DTL: variants seen among roughly 807,000 people sequenced by gnomAD.
DTL encodes denticleless E3 ubiquitin protein ligase adapter.
DTL carries 46 observed loss-of-function variants against 87.0 expected under a neutral mutation model. The observed-to-expected ratio is 0.53, with a 90% confidence interval of 0.42 to 0.68. The LOEUF is 0.68. Ranked by LOEUF, DTL falls within the 30% of genes least tolerant of loss-of-function variation. The pLI is 0.00. For missense variants in DTL, 737 were observed against 869.4 expected (o/e 0.85, Z 1.91); for synonymous variants, 308 against 311.2 (o/e 0.99, Z 0.11).
intron 13 of DTL, among the ~76,000 whole-genome samples, chr1:212,090,613 C>A (rs903118438): frequency 6.6e-6 from 1 of 152,120 alleles, no homozygotes; most frequent in Non-Finnish European, 1.5e-5. Context: ...TAAAAATTTG[C>A]CTGAAGTACT....
chr1:212,067,495 A>G (rs1345189664), intron 8 of DTL, among the ~76,000 whole-genome samples: 1 of 152,098 alleles, frequency 6.6e-6, no homozygotes, highest in Non-Finnish European at 1.5e-5. Flanking sequence ...CCTTCCTATT[A>G]TATCTCTCAA....
chr1:212,093,575 G>A (rs138466093), intron 13 of DTL, among the ~76,000 whole-genome samples: 1,706 of 152,252 alleles, frequency 0.011, 24 homozygotes, highest in South Asian at 0.058. Flanking sequence ...CGACTGCCCC[G>A]ACCAAACTGC....
chr1:212,085,126 GT>G (rs1655091195), intron 13 of DTL, among the ~76,000 whole-genome samples: 1 of 152,058 alleles, frequency 6.6e-6, no homozygotes, highest in Non-Finnish European at 1.5e-5. Flanking sequence ...TCGTGTTTTT[GT>G]TTTAATATTT....
intron 10 of DTL, 175 bp from the exon 11 acceptor site, chr1:212,071,926 A>G (rs1654685328): frequency 2.0e-6 from 1 of 507,668 alleles, no homozygotes; most frequent in African/African-American, 1.9e-5. Flanking sequence ...GCTTCCTTCT[A>G]GGGTTTTGTT....
chr1:212,104,246 A>ACTTTATGTCAGTT lies in DTL; in HGVS notation c.*1308_*1309insTTATGTCAGTTCT. The ACTTTATGTCAGTT allele has an allele frequency of 6.6e-6, 1 of 151,506 alleles. No homozygotes were observed. Among genetic ancestry groups the ACTTTATGTCAGTT allele is most frequent in the South Asian group, 2.1e-4 (1 of 4,804 alleles). 9.4% of individuals were successfully genotyped at this position (151,506 alleles called of 1,614,324 possible). A position where few individuals can be genotyped will look rare whatever the true frequency, so the allele number is the denominator to read the frequency against. On this transcript the variant is annotated 3_prime_UTR_variant, in exon 15 of 15. Coordinates refer to ENST00000366991, the MANE Select transcript of DTL (RefSeq NM_016448.4). ...ATTTGTTTTATCCATATCCCTGAGGACTGTGTAGACTTTATGTCAGTTTTT... is the reference window on the plus strand; with the variant it reads ...ATTTGTTTTATCCATATCCCTGAGGACTTTATGTCAGTTCTGTGTAGACTTTATGTCAGTTTTT...
chr1:212,074,526 G>C (rs998269334), intron 11 of DTL, among the ~76,000 whole-genome samples: 1 of 152,104 alleles, frequency 6.6e-6, no homozygotes, highest in Non-Finnish European at 1.5e-5. Context: ...TGGTTCAGAC[G>C]TGATGTTCTT....
chr1:212,051,384 TGAAAATGTCCTTATTTCATCATCATTCTC>T (rs1667967686), intron 5 of DTL: 1 of 542,154 alleles, frequency 1.8e-6, no homozygotes, highest in African/African-American at 2.0e-5. Flanking sequence ...TTTCTTTACC[TGAAAATGTCCTTATTTCATCATCATTCTC>T]GAAGGACATT....
intron 1 of DTL, among the ~76,000 whole-genome samples, chr1:212,036,319 T>G (rs1179875250): frequency 1.3e-5 from 2 of 152,176 alleles, no homozygotes; most frequent in Non-Finnish European, 2.9e-5. Context: ...ATTCGTTTGT[T>G]GTAGAATCTT....
At chr1:212,046,993 G>A (rs1256331698) in intron 3 of DTL, among the ~76,000 whole-genome samples, 158 bp from the exon 4 acceptor site, 1 of 152,168 alleles carries the variant, frequency 6.6e-6, no homozygotes, top group Non-Finnish European at 1.5e-5. Flanking sequence ...TCTGACTGAC[G>A]TGAAATGATA....
intron 10 of DTL, among the ~76,000 whole-genome samples, chr1:212,070,415 C>T (rs2102556078): frequency 6.6e-6 from 1 of 152,196 alleles, no homozygotes; most frequent in African/African-American, 2.4e-5. Flanking sequence ...TCGAGACCAG[C>T]CTGGGCAACA....
chr1:212,062,986 A>T, intron 6 of DTL, 37 bp downstream of exon 6: 2 of 1,492,392 alleles, frequency 1.3e-6, no homozygotes, highest in Non-Finnish European at 1.9e-6. Flanking sequence ...GAGATTTGGG[A>T]TTACCCTGTA....
At chr1:212,081,330 G>A (rs1480149564) in intron 13 of DTL, among the ~76,000 whole-genome samples, 1 of 152,192 alleles carries the variant, frequency 6.6e-6, no homozygotes, top group African/African-American at 2.4e-5. Flanking sequence ...GCAGGAGCAT[G>A]CTTGGCATAT....
chr1:212,068,729 CT>C, intron 10 of DTL, 26 bp downstream of exon 10: 1 of 1,459,764 alleles, frequency 6.9e-7, no homozygotes, highest in Non-Finnish European at 9.5e-7. Context: ...TTCAAATTCT[CT>C]TACCAGGAAA....
Position 212,104,256 on chromosome 1 carries a change from C to CTTTATGTCAGTTCTGTGTAGAA in DTL, c.*1328_*1329insCTGTGTAGAATTTATGTCAGTT, listed in dbSNP as rs1655708596. 1 of 152,140 alleles carries CTTTATGTCAGTTCTGTGTAGAA rather than the reference C, an allele frequency of 6.6e-6. No homozygotes were observed. The highest frequency in any genetic ancestry group is 2.1e-4 in the South Asian group (1 of 4,826). 9.4% of individuals were successfully genotyped at this position (152,140 alleles called of 1,614,324 possible). On this transcript the variant is annotated 3_prime_UTR_variant, in exon 15 of 15. Coordinates refer to ENST00000366991, the MANE Select transcript of DTL (RefSeq NM_016448.4). ...TCCATATCCCTGAGGACTGTGTAGA[C>CTTTATGTCAGTTCTGTGTAGAA]TTTATGTCAGTTTTTGTCATTATTT...
intron 5 of DTL, among the ~76,000 whole-genome samples, chr1:212,049,998 G>A (rs1475343239): frequency 1.4e-4 from 2 of 14,402 alleles, no homozygotes; most frequent in East Asian, 5.4e-3. Context: ...GTAACATAGT[G>A]AGACCCTATA....
chr1:212,058,811 A>G (rs758933159), intron 5 of DTL, among the ~76,000 whole-genome samples: 2 of 152,078 alleles, frequency 1.3e-5, no homozygotes, highest in Admixed American at 6.6e-5. Context: ...CCACGAAAAA[A>G]AAGAAAGATG....
At chr1:212,073,343 G>A (rs1054187068) in intron 11 of DTL, among the ~76,000 whole-genome samples, 4 of 152,148 alleles carry the variant, frequency 2.6e-5, no homozygotes, top group Admixed American at 2.0e-4. Context: ...CTTTGACATT[G>A]GTGAATTGAA....
At chr1:212,099,060 T>G (rs1006344096) in intron 13 of DTL, among the ~76,000 whole-genome samples, 1 of 152,160 alleles carries the variant, frequency 6.6e-6, no homozygotes, top group African/African-American at 2.4e-5. Flanking sequence ...CAGAAATGGT[T>G]TCCCTGGGGA....
chr1:212,072,542 C>T (rs909749768), intron 11 of DTL, among the ~76,000 whole-genome samples: 4 of 152,098 alleles, frequency 2.6e-5, no homozygotes, highest in African/African-American at 9.7e-5. Flanking sequence ...ACTTTCTGCC[C>T]TATGTTTTCA....
Sources: gnomAD v4.1 joint callset for allele counts (sites outside exome capture counted in the v4.1 genomes callset) on GRCh38, gnomAD v4.1.1 for gene constraint, MANE v1.5 for transcripts, NCBI Gene and HGNC (gene_info 2026-07-23, HGNC 2026-07-21) for gene names.